CAST: variants seen among roughly 807,000 people sequenced by gnomAD.
CAST encodes the protein calpastatin.
CAST carries 76 observed loss-of-function variants against 119.6 expected under a neutral mutation model. The ratio of observed to expected loss-of-function variants is 0.64; its 90% confidence interval spans 0.53 to 0.77. CAST has a LOEUF of 0.77. Ranked by LOEUF, CAST falls within the 30% of genes least tolerant of loss-of-function variation. The pLI, the probability that CAST is intolerant of heterozygous loss-of-function variation, is 0.00. For synonymous variants in CAST, 319 were observed against 331.6 expected (o/e 0.96, Z 0.41); for missense variants, 953 against 946.5 (o/e 1.01, Z -0.09).
the CAST span, among the ~76,000 whole-genome samples, chr5:96,460,939 T>C: frequency 2.8e-5 from 2 of 71,730 alleles, no homozygotes; most frequent in South Asian, 2.8e-4. Context: ...GCTAGTTGCA[T>C]TGTGTGACTA....
the CAST span, among the ~76,000 whole-genome samples, chr5:96,154,974 G>T: frequency 6.6e-6 from 1 of 152,142 alleles, no homozygotes; most frequent in Non-Finnish European, 1.5e-5. Flanking sequence ...TTAAGCAGTG[G>T]GGAGCTATTT....
At chr5:96,039,737 T>A in the CAST span, among the ~76,000 whole-genome samples, 1 of 152,228 alleles carries the variant, frequency 6.6e-6, no homozygotes, top group Non-Finnish European at 1.5e-5. Context: ...TTTATATATC[T>A]GTTTTGATAC....
In CAST at chr5:96,708,517, G is replaced by T. The variant is rs949373787; in HGVS notation, c.210+12610G>T. Among the ~76,000 whole-genome samples, 7 of 152,128 alleles carry T rather than the reference G, an allele frequency of 4.6e-5. No individual in the cohort carries two copies. The South Asian group carries it at 1.5e-3, about 32-fold the overall frequency. On this transcript the variant is annotated intron_variant, in intron 3 of 31. Coordinates refer to ENST00000675179, the MANE Select transcript of CAST (RefSeq NM_001750.7). ...TAGTTACTTTTTTCTTTGAGACAGG[G>T]TCTTGCCCTGTCACTCAGGCTGGAG...
At chr5:96,599,992 C>T (rs1281136100) in intron 1 of CAST, among the ~76,000 whole-genome samples, 2 of 77,634 alleles carry the variant, frequency 2.6e-5, no homozygotes, top group Non-Finnish European at 5.2e-5. Flanking sequence ...AACCCTCAAG[C>T]TCTGTTGATT....
chr5:95,979,919 A>G, the CAST span, among the ~76,000 whole-genome samples: 1 of 152,150 alleles, frequency 6.6e-6, no homozygotes, highest in Non-Finnish European at 1.5e-5. Context: ...GGAGTTTGAG[A>G]CCAGCCTGAC....
At chr5:96,212,101 G>A in the CAST span, among the ~76,000 whole-genome samples, 2 of 151,708 alleles carry the variant, frequency 1.3e-5, no homozygotes, top group Admixed American at 6.6e-5. Flanking sequence ...TTGATTTTTT[G>A]TATTGTTTTT....
At chr5:96,192,967 C>T in the CAST span, among the ~76,000 whole-genome samples, 1 of 152,064 alleles carries the variant, frequency 6.6e-6, no homozygotes, top group East Asian at 1.9e-4. Flanking sequence ...TAACATAGTA[C>T]ATTGTAGCCT....
At chr5:96,361,381 A>G in the CAST span, among the ~76,000 whole-genome samples, 1 of 152,072 alleles carries the variant, frequency 6.6e-6, no homozygotes, top group East Asian at 1.9e-4. Context: ...TGGGGTATGA[A>G]AAAAAAACTC....
chr5:96,056,150 C>T, the CAST span, among the ~76,000 whole-genome samples: 3 of 152,034 alleles, frequency 2.0e-5, no homozygotes, highest in Non-Finnish European at 2.9e-5. Flanking sequence ...TGAAATTTTT[C>T]TATAAACTCA....
chr5:96,768,035 T>C, intron 29 of CAST, 36 bp downstream of exon 29: 1 of 1,317,814 alleles, frequency 7.6e-7, no homozygotes. Context: ...CTTTGAAATG[T>C]GTGTGTGTGT....
In CAST at chr5:96,762,356, C is replaced by T. The variant is rs1239792416; in HGVS notation, c.1916C>T (p.Pro639Leu). The T allele has an allele frequency of 2.5e-6, 4 of 1,599,732 alleles. No homozygotes were observed. In the Admixed American group the frequency reaches 5.3e-5, roughly 21 times the overall value. ...GCTTCAACGACCCAAGCTGGAGCCC[C>T]ACCCCGTGATACCTCGGTAAGCAGC... The part of the protein sequence containing the change: ...TPASTTQAGA[P>L]PRDTSQSDKD... Residue 639 changes from proline to leucine, a missense_variant, in exon 25 of 32, where the codon CCA becomes CTA. By Grantham distance (98) the Pro-to-Leu change is moderately conservative. Transcript: ENST00000675179.
chr5:96,034,499 ACACACACATATG>A, the CAST span, among the ~76,000 whole-genome samples: 429 of 127,344 alleles, frequency 3.4e-3, 5 homozygotes, highest in Middle Eastern at 0.012. Context: ...ACACACACAC[ACACACACATATG>A]TGTGTGTGTA....
chr5:96,650,728 T>TTGTGTGTGTGTGTGTG (rs34230121), intron 1 of CAST, among the ~76,000 whole-genome samples: 21 of 142,166 alleles, frequency 1.5e-4, no homozygotes, highest in East Asian at 6.3e-4. Flanking sequence ...ACCCACTTAA[T>TTGTGTGTGTGTGTGTG]TGTGTGTGTG....
chr5:96,635,372 C>T (rs1747873767), intron 1 of CAST, among the ~76,000 whole-genome samples: 1 of 152,142 alleles, frequency 6.6e-6, no homozygotes, highest in Non-Finnish European at 1.5e-5. Context: ...GTTATGCACA[C>T]ATTGAAGGAA....
chr5:96,102,163 C>G, the CAST span, among the ~76,000 whole-genome samples: 3 of 152,138 alleles, frequency 2.0e-5, no homozygotes, highest in Non-Finnish European at 2.9e-5. Flanking sequence ...GGTGCTCATA[C>G]TTGGTGGGTC....
chr5:96,118,760 T>G, the CAST span, among the ~76,000 whole-genome samples: 2 of 151,982 alleles, frequency 1.3e-5, no homozygotes, highest in African/African-American at 2.4e-5. Flanking sequence ...CTGGGGAAAT[T>G]AACAAGAGCC....
At chr5:96,478,005 G>T in the CAST span, among the ~76,000 whole-genome samples, 1 of 152,106 alleles carries the variant, frequency 6.6e-6, no homozygotes, top group Non-Finnish European at 1.5e-5. Context: ...GATTCACATG[G>T]CTAATTTAAG....
At chr5:96,706,936 T>C (rs1755098124) in intron 3 of CAST, among the ~76,000 whole-genome samples, 1 of 152,212 alleles carries the variant, frequency 6.6e-6, no homozygotes, top group South Asian at 2.1e-4. Flanking sequence ...CCACAGCTGA[T>C]TGGGTGTGTG....
chr5:96,102,466 A>T, the CAST span, among the ~76,000 whole-genome samples: 2 of 152,166 alleles, frequency 1.3e-5, no homozygotes, highest in African/African-American at 4.8e-5. Flanking sequence ...GATGGGGGGC[A>T]ATACTTGTTT....
Sources: allele counts gnomAD v4.1 joint callset (sites outside exome capture counted in the v4.1 genomes callset), GRCh38; gene constraint gnomAD v4.1.1; transcripts MANE v1.5; gene names NCBI Gene and HGNC (gene_info 2026-07-23, HGNC 2026-07-21).